TNFAIP8: variants seen among roughly 807,000 people sequenced by gnomAD.
TNFAIP8 encodes tumor necrosis factor alpha-induced protein 8.
In TNFAIP8, 7 loss-of-function variants were observed where a neutral mutation model predicts 13.3. That is an observed-to-expected ratio of 0.52 (90% CI 0.30 to 0.99). The LOEUF is 0.99. Ranked by LOEUF, TNFAIP8 falls within the 50% of genes least tolerant of loss-of-function variation. The pLI is 0.07. For synonymous variants in TNFAIP8, 94 were observed against 87.6 expected, an observed-to-expected ratio of 1.07 and a Z score of -0.41; for missense variants, 258 against 236.9, an observed-to-expected ratio of 1.09 and a Z score of -0.58.
chr5:119,312,745 C>CAAAAAAAAAAAAAA (rs869226026), intron 1 of TNFAIP8, among the ~76,000 whole-genome samples: 15 of 43,344 alleles, frequency 3.5e-4, no homozygotes, highest in Admixed American at 5.8e-4. Flanking sequence ...GCAAAAAATA[C>CAAAAAAAAAAAAAA]AAAAAAAAAA....
chr5:119,385,028 G>C (rs1486336631), intron 1 of TNFAIP8, among the ~76,000 whole-genome samples: 2 of 152,152 alleles, frequency 1.3e-5, no homozygotes, highest in East Asian at 3.8e-4. Flanking sequence ...AGAGGGAAAG[G>C]CTTCATCCTG....
chr5:119,341,412 A>G (rs1354029881), intron 1 of TNFAIP8, among the ~76,000 whole-genome samples: 1 of 145,568 alleles, frequency 6.9e-6, no homozygotes, highest in Non-Finnish European at 1.5e-5. Flanking sequence ...CAGTTAAAAA[A>G]CTTAAAACAA....
chr5:119,337,938 C>A (rs1419927786), intron 1 of TNFAIP8, among the ~76,000 whole-genome samples: 3 of 152,210 alleles, frequency 2.0e-5, no homozygotes, highest in Admixed American at 1.3e-4. Flanking sequence ...TGCGGAGCCG[C>A]AGGTGGACTT....
At chr5:119,297,944 TTTTCCA>T (rs1749230920) in intron 1 of TNFAIP8, among the ~76,000 whole-genome samples, 1 of 152,180 alleles carries the variant, frequency 6.6e-6, no homozygotes, top group South Asian at 2.1e-4. Flanking sequence ...CCTTTTTTTG[TTTTCCA>T]TTTGCTTGGT....
At chr5:119,350,027 C>A (rs886252371) in intron 1 of TNFAIP8, among the ~76,000 whole-genome samples, 1 of 152,184 alleles carries the variant, frequency 6.6e-6, no homozygotes, top group Non-Finnish European at 1.5e-5. Flanking sequence ...ATGTAACCTC[C>A]ATTTCTTTAA....
intron 1 of TNFAIP8, among the ~76,000 whole-genome samples, chr5:119,297,692 T>A (rs1399250224): frequency 1.3e-5 from 2 of 152,222 alleles, no homozygotes; most frequent in Non-Finnish European, 2.9e-5. Flanking sequence ...ATCTGTCTAA[T>A]GTTGACAGTT....
chr5:119,300,751 A>G (rs570988282), intron 1 of TNFAIP8, among the ~76,000 whole-genome samples: 2 of 152,340 alleles, frequency 1.3e-5, no homozygotes, highest in East Asian at 1.9e-4. Flanking sequence ...TCTACAGGCT[A>G]TGCTGTTACC....
chr5:119,319,733 C>T (rs773388968), intron 1 of TNFAIP8, among the ~76,000 whole-genome samples: 19 of 152,118 alleles, frequency 1.2e-4, no homozygotes, highest in Non-Finnish European at 2.8e-4. Context: ...TTGACAGTAC[C>T]TTCTTTATGT....
At chr5:119,392,694 G>A in intron 1 of TNFAIP8, 122 bp from the exon 2 acceptor site, 1 of 1,218,066 alleles carries the variant, frequency 8.2e-7, no homozygotes, top group African/African-American at 1.5e-5. Flanking sequence ...GTAGATGTAA[G>A]ACAAACCACA....
chr5:119,380,908 T>C (rs1312603380), intron 1 of TNFAIP8, among the ~76,000 whole-genome samples: 1 of 152,234 alleles, frequency 6.6e-6, no homozygotes, highest in Non-Finnish European at 1.5e-5. Flanking sequence ...CTGACATCTG[T>C]ATTTTTGTGA....
At chr5:119,333,103 G>GC in intron 1 of TNFAIP8, 1 of 624,438 alleles carries the variant, frequency 1.6e-6, no homozygotes, top group Non-Finnish European at 2.0e-6. Context: ...CTTTTTTTTA[G>GC]TTTTTTTTTT....
At chr5:119,336,745 C>T (rs1226849442) in intron 1 of TNFAIP8, among the ~76,000 whole-genome samples, 2 of 152,140 alleles carry the variant, frequency 1.3e-5, no homozygotes, top group Non-Finnish European at 2.9e-5. Context: ...GAAGTTTGAT[C>T]ACCCCATTCT....
At chr5:119,373,397 C>A (rs896152631) in intron 1 of TNFAIP8, among the ~76,000 whole-genome samples, 1 of 152,200 alleles carries the variant, frequency 6.6e-6, no homozygotes, top group African/African-American at 2.4e-5. Context: ...TAAAAAGTCA[C>A]TTCAAAACTT....
At chr5:119,370,279 A>C (rs758125714) in intron 1 of TNFAIP8, among the ~76,000 whole-genome samples, 11 of 152,208 alleles carry the variant, frequency 7.2e-5, no homozygotes, top group Non-Finnish European at 1.6e-4. Context: ...TTCAGCAGAA[A>C]GATTGGAGAA....
At chr5:119,380,352 A>G (rs1489634969) in intron 1 of TNFAIP8, among the ~76,000 whole-genome samples, 5 of 152,122 alleles carry the variant, frequency 3.3e-5, no homozygotes, top group South Asian at 2.1e-4. Flanking sequence ...CAGTAACTTC[A>G]CTCTAGTGTG....
chr5:119,275,972 C>T (rs1047839675), intron 1 of TNFAIP8, among the ~76,000 whole-genome samples: 3 of 152,058 alleles, frequency 2.0e-5, no homozygotes, highest in Non-Finnish European at 4.4e-5. Context: ...TTCAGCCTTA[C>T]CATTAGGGAA....
chr5:119,298,386 G>C (rs1320542153), intron 1 of TNFAIP8, among the ~76,000 whole-genome samples: 1 of 152,056 alleles, frequency 6.6e-6, no homozygotes, highest in Non-Finnish European at 1.5e-5. Context: ...GGCTGGATAT[G>C]AAATTCTGGG....
intron 1 of TNFAIP8, among the ~76,000 whole-genome samples, chr5:119,344,256 G>A (rs1278082086): frequency 1.3e-5 from 2 of 152,208 alleles, no homozygotes; most frequent in African/African-American, 2.4e-5. Flanking sequence ...AGGAGCAGAT[G>A]TGTCACACAG....
At chr5:119,378,130 A>G (rs2112831634) in intron 1 of TNFAIP8, among the ~76,000 whole-genome samples, 1 of 152,362 alleles carries the variant, frequency 6.6e-6, no homozygotes, top group Middle Eastern at 3.4e-3. Context: ...CTAATCCTAA[A>G]GTACAATCCT....
Sources: gnomAD v4.1 joint callset for allele counts (sites outside exome capture counted in the v4.1 genomes callset) on GRCh38, gnomAD v4.1.1 for gene constraint, MANE v1.5 for transcripts, NCBI Gene and HGNC (gene_info 2026-07-23, HGNC 2026-07-21) for gene names.